CUX1: variants seen among roughly 807,000 people sequenced by gnomAD.
CUX1 encodes the protein protein CASP.
CUX1 carries 31 observed loss-of-function variants against 158.8 expected under a neutral mutation model. The ratio of observed to expected loss-of-function variants is 0.20; its 90% CI spans 0.15 to 0.26. CUX1 has a LOEUF of 0.26. CUX1 is among the 10% of genes least tolerant of loss of function. The pLI is 1.00. For missense variants in CUX1, 1,589 were observed against 2,014.6 expected (o/e 0.79, Z 4.04); for synonymous variants, 879 against 862.1 (o/e 1.02, Z -0.34).
intron 1 of CUX1, among the ~76,000 whole-genome samples, chr7:101,874,540 T>A (rs1296134857): frequency 6.6e-6 from 1 of 152,138 alleles, no homozygotes; most frequent in Non-Finnish European, 1.5e-5. Flanking sequence ...CTTTTTAGGA[T>A]CGTGATGTCT....
In CUX1 at chr7:101,893,158, C is replaced by CTTTTTTT. The variant is rs10589615; in HGVS notation, c.31-22936_31-22930dup. Among the ~76,000 whole-genome samples the CTTTTTTT allele has an allele frequency of 2.5e-4, 16 of 64,952 alleles. 4 individuals are homozygous for CTTTTTTT. Among genetic ancestry groups the CTTTTTTT allele is most frequent in the East Asian group, 4.4e-4 (1 of 2,286 alleles). The allele number at this position is 64,952 out of a possible 152,430, so 42.6% of individuals were successfully genotyped here. A position where few individuals can be genotyped will look rare whatever the true frequency, so the allele number is the denominator to read the frequency against. On this transcript the variant is annotated intron_variant, in intron 1 of 23. Coordinates refer to ENST00000292535, the MANE Select transcript of CUX1 (RefSeq NM_181552.4). ...TTCTTTTTACTTTTTATTTTTATTA[C>CTTTTTTT]TTTTTTTTTTTTTTTTTTTTTTTTT...
rs954103111 is a variant in CUX1 at position 101,817,726 on chromosome 7, T to C, written c.30+57T>C. 1 of 1,540,600 alleles carries C rather than the reference T, an allele frequency of 6.5e-7. No individual in the cohort carries two copies. Among genetic ancestry groups the C allele is most frequent in the East Asian group, 2.5e-5 (1 of 40,638 alleles). On this transcript the variant is annotated intron_variant, in intron 1 of 23. Coordinates refer to ENST00000292535, the MANE Select transcript of CUX1 (RefSeq NM_181552.4). This position sits in a 1 kb window ranked among gnomAD's most constrained non-coding sequence, Gnocchi z 4.1. ...TTGCAGGCGCGGAGGGAACCGGGGA[T>C]GTCGGGGGGTGCCCGGGTCCCGCGG...
At chr7:101,942,937 T>A (rs982922509) in intron 2 of CUX1, among the ~76,000 whole-genome samples, 1 of 152,144 alleles carries the variant, frequency 6.6e-6, no homozygotes, top group African/African-American at 2.4e-5. Flanking sequence ...TCTCTGCACC[T>A]CCATTCAGCT....
At chr7:102,170,362 C>A in intron 9 of CUX1, 84 bp from the exon 10 acceptor site, 1 of 937,542 alleles carries the variant, frequency 1.1e-6, no homozygotes, top group Non-Finnish European at 1.6e-6. Context: ...GTCAGTCAGG[C>A]ATGAATTGAT....
chr7:101,963,253 G>A (rs991823804), intron 2 of CUX1, among the ~76,000 whole-genome samples: 3 of 152,062 alleles, frequency 2.0e-5, no homozygotes, highest in Non-Finnish European at 4.4e-5. Context: ...TATTTGGCTC[G>A]CCTGTCCTCC....
chr7:102,234,165 G>A lies in CUX1; in HGVS notation c.3547G>A (p.Val1183Ile), dbSNP rs201799537. ...KLSLKGREPFVRMQLWLNDPN... is the reference protein window; with the variant it reads ...KLSLKGREPFIRMQLWLNDPN... ...CAGTCTGAAAGGACGAGAGCCCTTC[G>A]TCCGGATGCAGCTGTGGCTGAACGA... The change falls in exon 22 of 24, where the codon GTC becomes ATC. Residue 1183 changes from valine to isoleucine, a missense_variant. Coordinates refer to ENST00000292535, the MANE Select transcript of CUX1 (RefSeq NM_181552.4). The A allele has an allele frequency of 1.1e-5, 18 of 1,600,362 alleles. No individual in the cohort carries two copies. The highest frequency in any genetic ancestry group is 1.7e-4 in the Middle Eastern group (1 of 6,036).
intron 1 of CUX1, among the ~76,000 whole-genome samples, chr7:101,886,496 C>T (rs143237795): frequency 4.6e-5 from 7 of 152,314 alleles, no homozygotes; most frequent in East Asian, 3.9e-4. Flanking sequence ...CCACTATGCT[C>T]GGCCGGCACC....
chr7:102,120,814 A>C (rs1300644750), intron 8 of CUX1, among the ~76,000 whole-genome samples: 1 of 152,140 alleles, frequency 6.6e-6, no homozygotes, highest in African/African-American at 2.4e-5. Flanking sequence ...CTATCATCCC[A>C]GCACTCTGGG....
Position 102,255,179 on chromosome 7 carries a change from G to C in CUX1, c.*6137G>C, listed in dbSNP as rs566755965. 1 of 985,408 alleles carries C rather than the reference G, an allele frequency of 1.0e-6. No homozygotes were observed. Among genetic ancestry groups the C allele is most frequent in the African/African-American group, 1.7e-5 (1 of 57,312 alleles). 61.0% of individuals were successfully genotyped at this position (985,408 alleles called of 1,614,324 possible). ...AAATGCAATTTCCGCCTGTCTGCCCGACTTCCAAAAACTGCCTCCTCCTGC... is the reference window on the plus strand; with the variant it reads ...AAATGCAATTTCCGCCTGTCTGCCCCACTTCCAAAAACTGCCTCCTCCTGC... On this transcript the variant is annotated 3_prime_UTR_variant, in exon 24 of 24. Transcript: ENST00000292535.
chr7:102,208,989 C>T (rs1337077553), intron 20 of CUX1, among the ~76,000 whole-genome samples: 1 of 152,186 alleles, frequency 6.6e-6, no homozygotes, highest in East Asian at 1.9e-4. Context: ...CAGCCACAGC[C>T]CTGCAGTAAG....
chr7:102,227,951 C>CTT (rs781968632), intron 21 of CUX1, among the ~76,000 whole-genome samples: 19,186 of 117,038 alleles, frequency 0.16, 2,099 homozygotes, highest in Admixed American at 0.23. Flanking sequence ...TCTTTTTTTT[C>CTT]TTTTTTTTTT....
intron 8 of CUX1, among the ~76,000 whole-genome samples, chr7:102,145,852 G>C (rs767255746): frequency 1.8e-4 from 28 of 152,136 alleles, no homozygotes; most frequent in Non-Finnish European, 3.8e-4. Flanking sequence ...GAGACTGAGG[G>C]AGGAGAATTG....
At chr7:102,155,177 A>G (rs1311830893) in intron 8 of CUX1, among the ~76,000 whole-genome samples, 1 of 152,198 alleles carries the variant, frequency 6.6e-6, no homozygotes, top group Non-Finnish European at 1.5e-5. Flanking sequence ...TAGCCAGGGC[A>G]GTTTTGACCT....
chr7:101,873,992 GC>G (rs1460265692), intron 1 of CUX1, among the ~76,000 whole-genome samples: 1 of 152,340 alleles, frequency 6.6e-6, no homozygotes, highest in Admixed American at 6.5e-5. Context: ...AAGTAAAGAG[GC>G]CCACAGTGCC....
chr7:101,866,065 C>T (rs997359104), intron 1 of CUX1, among the ~76,000 whole-genome samples: 2 of 152,164 alleles, frequency 1.3e-5, no homozygotes, highest in Admixed American at 6.5e-5. Context: ...TGGCTCACAC[C>T]TGTAATCCCA....
chr7:101,833,904 G>C (rs1381474744), intron 1 of CUX1, among the ~76,000 whole-genome samples: 2 of 152,112 alleles, frequency 1.3e-5, no homozygotes, highest in Admixed American at 6.6e-5. Context: ...CTTCTAACGG[G>C]GGGTGCAGAG....
chr7:101,920,859 A>G (rs1240074974), intron 2 of CUX1, among the ~76,000 whole-genome samples: 1 of 151,948 alleles, frequency 6.6e-6, no homozygotes, highest in Non-Finnish European at 1.5e-5. Flanking sequence ...TGCTTTCTAT[A>G]TTTTTGTTTT....
chr7:101,891,220 GT>G (rs1457514600), intron 1 of CUX1, among the ~76,000 whole-genome samples: 2 of 151,940 alleles, frequency 1.3e-5, no homozygotes, highest in Non-Finnish European at 2.9e-5. Flanking sequence ...TTGTTTTGTT[GT>G]TGTTTTGTTT....
chr7:101,898,152 T>C (rs1440914206), intron 1 of CUX1, among the ~76,000 whole-genome samples: 1 of 152,006 alleles, frequency 6.6e-6, no homozygotes, highest in Non-Finnish European at 1.5e-5. Context: ...TCTTTTGATA[T>C]CTAGTAAAAT....
Sources: allele counts gnomAD v4.1 joint callset (sites outside exome capture counted in the v4.1 genomes callset), GRCh38; gene constraint gnomAD v4.1.1; non-coding constraint Gnocchi (gnomAD v3.1); transcripts MANE v1.5; gene names NCBI Gene and HGNC (gene_info 2026-07-23, HGNC 2026-07-21).